The following CALCR variants were observed in gnomAD, a reference collection of about 807,000 sequenced individuals.
The protein encoded by CALCR is calcitonin receptor.
Under a neutral mutation model 59.5 loss-of-function variants are expected in CALCR, and 47 were observed. The ratio of observed to expected loss-of-function variants is 0.79; its 90% confidence interval spans 0.63 to 1.01. The LOEUF (loss-of-function observed/expected upper bound fraction) is 1.01. CALCR is among the 50% of genes least tolerant of loss of function. The probability of loss-of-function intolerance (pLI) is 0.00; values close to 1 mark genes in which losing one functional copy is unlikely to be tolerated. For missense variants in CALCR, 566 were observed against 597.1 expected, an observed-to-expected ratio of 0.95 and a Z score of 0.54; for synonymous variants, 213 against 211.3, an observed-to-expected ratio of 1.01 and a Z score of -0.07.
At chr7:93,545,487 G>C (rs926551141) in intron 2 of CALCR, among the ~76,000 whole-genome samples, 2 of 152,028 alleles carry the variant, frequency 1.3e-5, no homozygotes, top group Non-Finnish European at 2.9e-5. Context: ...AAAAGATCCA[G>C]GTCAAACAAC....
chr7:93,472,692 T>C (rs1584562978), intron 5 of CALCR, among the ~76,000 whole-genome samples: 1 of 151,766 alleles, frequency 6.6e-6, no homozygotes, highest in African/African-American at 2.4e-5. Flanking sequence ...AGCAAAGCCA[T>C]GTGAAGTAGG....
At chr7:93,439,876 T>C (rs1799864053) in intron 9 of CALCR, among the ~76,000 whole-genome samples, 1 of 152,148 alleles carries the variant, frequency 6.6e-6, no homozygotes, top group African/African-American at 2.4e-5. Context: ...TAAACTTCAG[T>C]ATTTGAAGTT....
chr7:93,426,172 G>A lies in CALCR; in HGVS notation c.*184C>T. ...GTTGCAGTGGGAGACTCCATTCCTA[G>A]ACTGTCTCCCAAAGCAACAGTACCA... On this transcript the variant is annotated 3_prime_UTR_variant, in exon 14 of 14. Transcript: ENST00000426151. The A allele has an allele frequency of 1.8e-6, 1 of 557,282 alleles. No individual in the cohort carries two copies. The highest frequency in any genetic ancestry group is 3.2e-6 in the Non-Finnish European group (1 of 314,586). 34.5% of individuals were successfully genotyped at this position (557,282 alleles called of 1,614,324 possible).
chr7:93,487,316 CAT>C, intron 2 of CALCR, among the ~76,000 whole-genome samples: 1 of 151,378 alleles, frequency 6.6e-6, no homozygotes, highest in East Asian at 2.0e-4. Context: ...CTTCAGTTAA[CAT>C]GTGTCATTGA....
chr7:93,562,347 G>C (rs2116269839), intron 2 of CALCR, among the ~76,000 whole-genome samples: 1 of 152,078 alleles, frequency 6.6e-6, no homozygotes, highest in South Asian at 2.1e-4. Flanking sequence ...ACATATGCGT[G>C]ATTTTCACTT....
chr7:93,571,597 T>C lies in CALCR; in HGVS notation c.-27+2692A>G, dbSNP rs371538162. ...AGAGCTGTGCCAGAATTTGTACTCT[T>C]AACTTATATTATCTCTAAATAAATG... On this transcript the variant is annotated intron_variant, in intron 2 of 13. Coordinates refer to ENST00000426151, the MANE Select transcript of CALCR (RefSeq NM_001742.4). 2.6e-5 allele frequency among the ~76,000 whole-genome samples: 4 copies of C among 152,246 alleles called. No homozygotes were observed. In the South Asian group the frequency reaches 6.2e-4, roughly 24 times the overall value.
chr7:93,535,858 A>G (rs1788971778), intron 2 of CALCR, among the ~76,000 whole-genome samples: 1 of 151,794 alleles, frequency 6.6e-6, no homozygotes, highest in Non-Finnish European at 1.5e-5. Context: ...GAATTACCAA[A>G]CAAAACTGAA....
At chr7:93,533,710 G>A (rs1461220168) in intron 2 of CALCR, among the ~76,000 whole-genome samples, 1 of 151,834 alleles carries the variant, frequency 6.6e-6, no homozygotes, top group Non-Finnish European at 1.5e-5. Flanking sequence ...TATACAGATG[G>A]GGTTCTTAGC....
chr7:93,545,047 C>T (rs963755782), intron 2 of CALCR, among the ~76,000 whole-genome samples: 4 of 151,930 alleles, frequency 2.6e-5, no homozygotes, highest in East Asian at 1.9e-4. Flanking sequence ...TGGACTTTTT[C>T]GTTAGGCTGC....
At chr7:93,485,549 A>G (rs1307179971) in intron 3 of CALCR, among the ~76,000 whole-genome samples, 2 of 151,652 alleles carry the variant, frequency 1.3e-5, no homozygotes, top group African/African-American at 4.8e-5. Flanking sequence ...AAAAATATTC[A>G]CATATACCAG....
chr7:93,472,529 A>C (rs781633549), intron 5 of CALCR, 42 bp from the exon 6 acceptor site: 2 of 1,115,138 alleles, frequency 1.8e-6, no homozygotes, highest in Non-Finnish European at 1.4e-6. Flanking sequence ...ATATCTCAAA[A>C]TCCCAACAAG....
At chr7:93,428,954 C>A (rs1466859566) in intron 13 of CALCR, among the ~76,000 whole-genome samples, 1 of 152,110 alleles carries the variant, frequency 6.6e-6, no homozygotes, top group African/African-American at 2.4e-5. Flanking sequence ...AAAAAGAGGT[C>A]TTTTATTTCT....
intron 9 of CALCR, chr7:93,441,650 C>G (rs1584538832): frequency 4.3e-5 from 18 of 416,324 alleles, no homozygotes; most frequent in South Asian, 2.7e-4. Context: ...GATGTGGAAC[C>G]AGCAGGATAG....
At chr7:93,514,569 C>T (rs925354315) in intron 2 of CALCR, among the ~76,000 whole-genome samples, 5 of 151,916 alleles carry the variant, frequency 3.3e-5, no homozygotes, top group Non-Finnish European at 5.9e-5. Context: ...CTAAAGTTGA[C>T]GCCACTCTAT....
intron 2 of CALCR, among the ~76,000 whole-genome samples, chr7:93,552,226 A>T (rs1394807713): frequency 6.6e-6 from 1 of 152,174 alleles, no homozygotes; most frequent in Non-Finnish European, 1.5e-5. Flanking sequence ...TACCTAACTT[A>T]GAAAGTGGCT....
intron 2 of CALCR, among the ~76,000 whole-genome samples, chr7:93,500,143 T>C (rs933741968): frequency 3.3e-5 from 5 of 151,878 alleles, no homozygotes; most frequent in Non-Finnish European, 7.4e-5. Flanking sequence ...TAAAACTCTA[T>C]CATAGGGTCC....
chr7:93,469,751 C>T (rs3802047), intron 6 of CALCR, among the ~76,000 whole-genome samples: 59,316 of 151,602 alleles, frequency 0.39, 12,479 homozygotes, highest in South Asian at 0.49. Context: ...TGTAGTTGTA[C>T]TTTAATCTCT....
At chr7:93,564,495 C>G (rs1292387274) in intron 2 of CALCR, among the ~76,000 whole-genome samples, 1 of 152,110 alleles carries the variant, frequency 6.6e-6, no homozygotes, top group African/African-American at 2.4e-5. Flanking sequence ...TCTTGTTGCC[C>G]AGGATGGAGT....
intron 2 of CALCR, among the ~76,000 whole-genome samples, chr7:93,554,780 T>C (rs1736696082): frequency 7.0e-6 from 1 of 143,732 alleles, no homozygotes; most frequent in African/African-American, 2.8e-5. Context: ...TATATATATA[T>C]ATATATATAT....
Sources: gnomAD v4.1 joint callset for allele counts (sites outside exome capture counted in the v4.1 genomes callset) on GRCh38, gnomAD v4.1.1 for gene constraint, MANE v1.5 for transcripts, NCBI Gene and HGNC (gene_info 2026-07-23, HGNC 2026-07-21) for gene names.